The following SLAIN1 variants were observed in gnomAD, a reference collection of about 807,000 sequenced individuals.
SLAIN1 encodes the protein SLAIN motif-containing protein 1.
SLAIN1 carries 17 observed loss-of-function variants against 55.4 expected under a neutral mutation model. The observed-to-expected ratio is 0.31, with a 90% CI of 0.21 to 0.46. SLAIN1 has a LOEUF of 0.46. Among genes scored for constraint, SLAIN1 ranks in the 20% least tolerant of loss-of-function variants. The pLI is 1.00. For synonymous variants in SLAIN1, 348 were observed against 337.4 expected, an observed-to-expected ratio of 1.03 and a Z score of -0.35; for missense variants, 682 against 785.1, an observed-to-expected ratio of 0.87 and a Z score of 1.57.
rs1874953828 is a variant in SLAIN1, at chr13:77,760,821, C to A, written c.1415-7C>A. ...GTTGCTCACATGAATATCATTTTCT[C>A]TTCTAGTTCCATCACCGGGACAGCT... On this transcript the variant is annotated splice_region_variant and splice_polypyrimidine_tract_variant and intron_variant, in intron 5 of 6. Coordinates refer to ENST00000418532, the MANE Select transcript of SLAIN1 (RefSeq NM_001242868.2). 1 of 1,612,006 alleles carries A rather than the reference C, an allele frequency of 6.2e-7. No individual in the cohort carries two copies. Among genetic ancestry groups the A allele is most frequent in the African/African-American group, 1.3e-5 (1 of 74,872 alleles).
chr13:77,761,617 T>C (rs1463693107), intron 6 of SLAIN1, among the ~76,000 whole-genome samples: 1 of 152,260 alleles, frequency 6.6e-6, no homozygotes, highest in Non-Finnish European at 1.5e-5. Context: ...GTCAGGCGTA[T>C]GTGCACACGC....
In SLAIN1 at chr13:77,735,472, G is replaced by A. The variant is rs528536095; in HGVS notation, c.767-8811G>A. 3.9e-4 allele frequency among the ~76,000 whole-genome samples: 59 copies of A among 152,040 alleles called. 1 individual carries two copies. The highest frequency in any genetic ancestry group is 6.8e-3 in the Middle Eastern group (2 of 294). ...TAAAACTGGTAATATATGTTAGCCC[G>A]GGGTTGACACACTATGGCCATATCT... On this transcript the variant is annotated intron_variant, in intron 2 of 6. Coordinates refer to ENST00000418532, the MANE Select transcript of SLAIN1 (RefSeq NM_001242868.2).
In SLAIN1 at chr13:77,698,975, C is replaced by T; in HGVS notation, c.626+436C>T. 1 of 1,534,554 alleles carries T rather than the reference C, an allele frequency of 6.5e-7. No homozygotes were observed. Among genetic ancestry groups the T allele is most frequent in the East Asian group, 2.4e-5 (1 of 40,914 alleles). On this transcript the variant is annotated intron_variant, in intron 1 of 6. Coordinates refer to ENST00000418532, the MANE Select transcript of SLAIN1 (RefSeq NM_001242868.2). The surrounding 1 kb of genome is among the most constrained non-coding windows in gnomAD (Gnocchi z 4.1). ...ACTGTTACTGTTCTTTCGTTTTAAA[C>T]GAACGCTGGACAGGATTTGCGTGCT...
intron 1 of SLAIN1, among the ~76,000 whole-genome samples, chr13:77,713,787 G>A (rs2091177304): frequency 1.3e-5 from 2 of 152,070 alleles, no homozygotes; most frequent in African/African-American, 4.8e-5. Flanking sequence ...CCCATCAATA[G>A]TAGACTGGAT....
At chr13:77,706,001 A>G (rs2091085649) in intron 1 of SLAIN1, among the ~76,000 whole-genome samples, 1 of 152,090 alleles carries the variant, frequency 6.6e-6, no homozygotes, top group African/African-American at 2.4e-5. Context: ...TTTTATCAAA[A>G]TAATATAATA....
chr13:77,703,420 A>G (rs191457379), intron 1 of SLAIN1, among the ~76,000 whole-genome samples: 125 of 152,246 alleles, frequency 8.2e-4, no homozygotes, highest in African/African-American at 2.6e-3. Flanking sequence ...ATTGATTTTC[A>G]GTGAAAAGAC....
At chr13:77,710,356 T>C (rs906144982) in intron 1 of SLAIN1, among the ~76,000 whole-genome samples, 3 of 151,786 alleles carry the variant, frequency 2.0e-5, no homozygotes, top group African/African-American at 7.3e-5. Context: ...AAGGCACATA[T>C]AGGCTCAAAA....
intron 6 of SLAIN1, among the ~76,000 whole-genome samples, chr13:77,762,555 C>T (rs1202624145): frequency 1.3e-5 from 2 of 151,778 alleles, no homozygotes; most frequent in Non-Finnish European, 2.9e-5. Flanking sequence ...CATATCACCA[C>T]TCCCAGATAA....
At chr13:77,737,458 T>G (rs887708328) in intron 2 of SLAIN1, among the ~76,000 whole-genome samples, 1 of 152,116 alleles carries the variant, frequency 6.6e-6, no homozygotes, top group Non-Finnish European at 1.5e-5. Context: ...CACTAACTGT[T>G]CATTAAAGTA....
At chr13:77,731,078 G>A (rs117250466) in intron 2 of SLAIN1, among the ~76,000 whole-genome samples, 1,819 of 152,106 alleles carry the variant, frequency 0.012, 33 homozygotes, top group East Asian at 0.018. Context: ...CTAGAAGCAG[G>A]AACGTACTGA....
chr13:77,710,041 G>A (rs1412697246), intron 1 of SLAIN1, among the ~76,000 whole-genome samples: 2 of 152,084 alleles, frequency 1.3e-5, no homozygotes, highest in East Asian at 3.9e-4. Context: ...CAAAGTGCTG[G>A]GATTACAGGT....
intron 4 of SLAIN1, among the ~76,000 whole-genome samples, chr13:77,748,285 A>G (rs1010620069): frequency 2.0e-5 from 3 of 151,854 alleles, no homozygotes; most frequent in Non-Finnish European, 4.4e-5. Context: ...AAATGTCATC[A>G]TGACTAACAT....
intron 2 of SLAIN1, chr13:77,743,037 TCTC>T: frequency 7.7e-7 from 1 of 1,297,064 alleles, no homozygotes; most frequent in Non-Finnish European, 1.0e-6. Context: ...CGGAGTCTCT[TCTC>T]TTCAACTGCC....
chr13:77,752,656 C>T (rs779325092), intron 4 of SLAIN1, among the ~76,000 whole-genome samples: 5 of 152,094 alleles, frequency 3.3e-5, no homozygotes, highest in African/African-American at 1.2e-4. Context: ...GTAGGGAAGC[C>T]GCCAGTGCAG....
At chr13:77,711,665 A>C (rs2091152317) in intron 1 of SLAIN1, among the ~76,000 whole-genome samples, 1 of 152,222 alleles carries the variant, frequency 6.6e-6, no homozygotes, top group Admixed American at 6.5e-5. Context: ...AGCTGGTACC[A>C]TTCCTTCTGA....
intron 2 of SLAIN1, among the ~76,000 whole-genome samples, chr13:77,729,222 A>G (rs1444527041): frequency 6.6e-6 from 1 of 152,148 alleles, no homozygotes; most frequent in African/African-American, 2.4e-5. Flanking sequence ...GTGTTTGCCA[A>G]ATTTCCTTAA....
chr13:77,738,233 T>C (rs1376371), intron 2 of SLAIN1, among the ~76,000 whole-genome samples: 2 of 37,210 alleles, frequency 5.4e-5, no homozygotes, highest in South Asian at 5.8e-4. Context: ...CATATATACA[T>C]ATACATATAT....
intron 6 of SLAIN1, 100 bp downstream of exon 6, chr13:77,761,210 G>C: frequency 8.6e-7 from 1 of 1,169,092 alleles, no homozygotes; most frequent in Non-Finnish European, 1.2e-6. Context: ...ACCTTAGTAA[G>C]ACACTACCCT....
chr13:77,747,511 A>G (rs1240240746), intron 4 of SLAIN1, among the ~76,000 whole-genome samples: 1 of 152,160 alleles, frequency 6.6e-6, no homozygotes, highest in Admixed American at 6.6e-5. Flanking sequence ...AAGCCCATGG[A>G]GGCAAAGTCT....
Sources: gnomAD v4.1 joint callset for allele counts (sites outside exome capture counted in the v4.1 genomes callset) on GRCh38, gnomAD v4.1.1 for gene constraint, Gnocchi (gnomAD v3.1) non-coding constraint, MANE v1.5 for transcripts, NCBI Gene and HGNC (gene_info 2026-07-23, HGNC 2026-07-21) for gene names.